PRIM1: variants seen among roughly 807,000 people sequenced by gnomAD.
The protein encoded by PRIM1 is DNA primase small subunit.
PRIM1 carries 38 observed loss-of-function variants against 60.2 expected under a neutral mutation model. The observed-to-expected ratio is 0.63, with a 90% CI of 0.49 to 0.83. The LOEUF (loss-of-function observed/expected upper bound fraction) is 0.83. Among genes scored for constraint, PRIM1 ranks in the 40% least tolerant of loss-of-function variants. The pLI, the probability that PRIM1 is intolerant of heterozygous loss-of-function variation, is 0.00. For missense variants in PRIM1, 388 were observed against 506.2 expected (o/e 0.77, Z 2.24); for synonymous variants, 158 against 160.2 (o/e 0.99, Z 0.10).
rs776649075 is a variant in PRIM1, at chr12:56,752,179, T to C, written c.103+17A>G. On this transcript the variant is annotated intron_variant, in intron 1 of 12. Coordinates refer to ENST00000338193, the MANE Select transcript of PRIM1 (RefSeq NM_000946.3). ...TCCTCACACTCCGCTCCCGAACCCA[T>C]TCCTCGCCTCCATCACCTCCACCGT... 4 of 1,549,480 alleles carry C rather than the reference T, an allele frequency of 2.6e-6. No individual in the cohort carries two copies. The highest frequency in any genetic ancestry group is 3.7e-5 in the Admixed American group (2 of 54,784).
chr12:56,734,778 T>TTATTTA lies in PRIM1; in HGVS notation c.1145-534_1145-533insTAAATA, dbSNP rs1555228414. Among the ~76,000 whole-genome samples the TTATTTA allele has an allele frequency of 5.7e-3, 802 of 140,288 alleles. 4 individuals are homozygous for TTATTTA. Among genetic ancestry groups the TTATTTA allele is most frequent in the Admixed American group, 0.012 (162 of 13,690 alleles). 92.0% of individuals were successfully genotyped at this position (140,288 alleles called of 152,430 possible). On this transcript the variant is annotated intron_variant, in intron 11 of 12. Transcript: ENST00000338193. ...TCTCTTTCATACAAGTCTTTTATAT[T>TTATTTA]TATATATATATATATAATATATATA...
chr12:56,744,721 T>C (rs1027651787), intron 5 of PRIM1, among the ~76,000 whole-genome samples: 4 of 151,698 alleles, frequency 2.6e-5, no homozygotes, highest in Admixed American at 1.3e-4. Context: ...TCTGTGTAAG[T>C]ATACTCCATG....
chr12:56,751,267 A>G, intron 1 of PRIM1, 72 bp from the exon 2 acceptor site: 1 of 1,186,214 alleles, frequency 8.4e-7, no homozygotes, highest in East Asian at 3.0e-5. Flanking sequence ...ATTTTAGCCA[A>G]TGAGAAGTTT....
intron 11 of PRIM1, among the ~76,000 whole-genome samples, chr12:56,737,255 C>T (rs1592332048): frequency 6.6e-6 from 1 of 152,254 alleles, no homozygotes; most frequent in Admixed American, 6.5e-5. Flanking sequence ...TCCCCAACTC[C>T]TCCCCCTCTC....
intron 2 of PRIM1, 83 bp from the exon 3 acceptor site, chr12:56,747,115 T>G (rs1334658347): frequency 1.7e-6 from 2 of 1,176,356 alleles, no homozygotes; most frequent in Admixed American, 2.2e-5. Context: ...ATGGAAAAAG[T>G]TGCCAAACAG....
At chr12:56,739,232 A>C (rs940057889) in intron 10 of PRIM1, 62 bp downstream of exon 10, 1 of 1,282,534 alleles carries the variant, frequency 7.8e-7, no homozygotes, top group African/African-American at 1.5e-5. Context: ...AGGCTAATTC[A>C]ATTTATTTAA....
chr12:56,746,242 A>G, intron 4 of PRIM1, 61 bp from the exon 5 acceptor site: 1 of 1,527,740 alleles, frequency 6.5e-7, no homozygotes, highest in Non-Finnish European at 9.0e-7. Context: ...ATTAATGTAT[A>G]TTAAATTACT....
chr12:56,749,323 T>A (rs1442512477), intron 2 of PRIM1, among the ~76,000 whole-genome samples: 2 of 152,168 alleles, frequency 1.3e-5, no homozygotes, highest in Non-Finnish European at 2.9e-5. Flanking sequence ...GCAGATTTTT[T>A]AAAAGCCGAA....
intron 2 of PRIM1, among the ~76,000 whole-genome samples, chr12:56,749,336 G>T (rs1953930228): frequency 6.6e-6 from 1 of 152,128 alleles, no homozygotes; most frequent in Non-Finnish European, 1.5e-5. Context: ...AAGCCGAATA[G>T]AAGTACTTGA....
At chr12:56,738,548 ATTTTGTTTTTGT>A (rs754680975) in intron 10 of PRIM1, 23 bp from the exon 11 acceptor site, 2 of 1,557,052 alleles carry the variant, frequency 1.3e-6, no homozygotes, top group South Asian at 1.2e-5. Context: ...GAACAAGAGA[ATTTTGTTTTTGT>A]TTTTGTTTTT....
At chr12:56,750,523 A>C (rs1384238588) in intron 2 of PRIM1, among the ~76,000 whole-genome samples, 1 of 152,222 alleles carries the variant, frequency 6.6e-6, no homozygotes, top group Non-Finnish European at 1.5e-5. Flanking sequence ...CTCAATAAAA[A>C]TAAACAATTA....
chr12:56,734,629 G>T (rs1953810249), intron 11 of PRIM1, among the ~76,000 whole-genome samples: 1 of 146,606 alleles, frequency 6.8e-6, no homozygotes, highest in African/African-American at 2.5e-5. Context: ...GGCTAGTCTT[G>T]AACTCCTGAG....
chr12:56,740,736 G>A (rs1953866327), intron 9 of PRIM1, among the ~76,000 whole-genome samples: 1 of 152,174 alleles, frequency 6.6e-6, no homozygotes, highest in Non-Finnish European at 1.5e-5. Flanking sequence ...CAGCCTGGGT[G>A]ACAGAGTGAG....
intron 10 of PRIM1, among the ~76,000 whole-genome samples, chr12:56,738,785 T>A (rs1388384677): frequency 6.6e-6 from 1 of 152,150 alleles, no homozygotes; most frequent in East Asian, 1.9e-4. Flanking sequence ...CTCTTGACCT[T>A]GTGATCCACG....
chr12:56,734,014 C>G, intron 12 of PRIM1, 133 bp downstream of exon 12: 1 of 590,918 alleles, frequency 1.7e-6, no homozygotes, highest in South Asian at 2.4e-5. Flanking sequence ...CCTCAATTTC[C>G]AAAACATTAA....
At position 56,734,159 on chromosome 12, in the gene PRIM1, G is replaced by T; in HGVS notation, c.1231C>A (p.Leu411Ile). The T allele has an allele frequency of 6.3e-7, 1 of 1,599,018 alleles. No homozygotes were observed. Among genetic ancestry groups the T allele is most frequent in the East Asian group, 2.2e-5 (1 of 44,744 alleles). Residue 411 changes from leucine to isoleucine, a missense_variant, in exon 12 of 13, where the codon CTT becomes ATT. Physicochemically the swap from Leu to Ile is conservative, Grantham distance 5. Transcript: ENST00000338193. ...NLDKSRKGEL[L>I]KKSDLQKDF The stretch of plus-strand genomic sequence containing the variant: ...CATAGCGTCTTACCACTCTTCTTAA[G>T]AAGTTCTCCTTTTCGGGATTTATCC...
At chr12:56,742,914 G>C (rs1052747918) in intron 7 of PRIM1, 73 bp downstream of exon 7, 1 of 1,104,060 alleles carries the variant, frequency 9.1e-7, no homozygotes, top group Non-Finnish European at 1.3e-6. Context: ...CTTACAAGCA[G>C]ACATGTCTAA....
chr12:56,739,926 C>T (rs1359963615), intron 9 of PRIM1, among the ~76,000 whole-genome samples: 22 of 152,108 alleles, frequency 1.4e-4, no homozygotes, highest in Non-Finnish European at 1.5e-5. Flanking sequence ...ATCACAAGGT[C>T]AGGAGTTCAA....
intron 11 of PRIM1, among the ~76,000 whole-genome samples, chr12:56,737,146 C>A (rs1953838861): frequency 1.3e-5 from 2 of 151,970 alleles, no homozygotes; most frequent in Admixed American, 1.3e-4. Context: ...GAGCATGAAC[C>A]CTATTGTGAA....
Sources: gnomAD v4.1 joint callset for allele counts (sites outside exome capture counted in the v4.1 genomes callset) on GRCh38, gnomAD v4.1.1 for gene constraint, MANE v1.5 for transcripts, NCBI Gene and HGNC (gene_info 2026-07-23, HGNC 2026-07-21) for gene names.